The following ENPP2 variants were observed in gnomAD, a reference collection of about 807,000 sequenced individuals.
ENPP2 encodes autotaxin.
ENPP2 carries 51 observed loss-of-function variants against 120.2 expected under a neutral mutation model. The observed-to-expected ratio is 0.42, with a 90% CI of 0.34 to 0.54. The LOEUF (loss-of-function observed/expected upper bound fraction) is 0.54, where lower values mean the gene tolerates loss of function less well. Among genes scored for constraint, ENPP2 ranks in the 20% least tolerant of loss-of-function variants. The pLI, the probability that ENPP2 is intolerant of heterozygous loss-of-function variation, is 0.04. For synonymous variants in ENPP2, 365 were observed against 366.4 expected, an observed-to-expected ratio of 1.00 and a Z score of 0.04; for missense variants, 920 against 1,066.5, an observed-to-expected ratio of 0.86 and a Z score of 1.91.
Position 119,569,337 on chromosome 8 carries a change from T to C in ENPP2, c.1951A>G (p.Ser651Gly). The C allele has an allele frequency of 1.9e-6, 3 of 1,613,994 alleles. No individual in the cohort carries two copies. The highest frequency in any genetic ancestry group is 2.5e-6 in the Non-Finnish European group (3 of 1,179,990). The change falls in exon 21 of 25, where the codon AGT (serine) becomes GGT (glycine). Residue 651 changes from serine (S) to glycine (G), a missense_variant. Ser to Gly is a moderately conservative substitution (Grantham distance 56). Coordinates refer to ENST00000075322, the MANE Select transcript of ENPP2 (RefSeq NM_001040092.3). ...EVSSVPDHLT[S>G]CVRPDVRVSP... ...ACACGGACATCAGGCCGGACGCAAC[T>C]GGTCAGATGGTCAGGAACGCTGGAA...
chr8:119,670,360 T>C (rs1168381640), intron 1 of ENPP2, among the ~76,000 whole-genome samples: 1 of 152,236 alleles, frequency 6.6e-6, no homozygotes, highest in Non-Finnish European at 1.5e-5. Context: ...CCTTAGCATA[T>C]TATAGATGAT....
chr8:119,635,373 T>C (rs1218800343), intron 2 of ENPP2, among the ~76,000 whole-genome samples: 1 of 152,262 alleles, frequency 6.6e-6, no homozygotes, highest in Non-Finnish European at 1.5e-5. Flanking sequence ...AATTTCCTTT[T>C]GTCTTTTAAG....
At chr8:119,667,392 A>G (rs1471054654) in intron 1 of ENPP2, among the ~76,000 whole-genome samples, 1 of 152,172 alleles carries the variant, frequency 6.6e-6, no homozygotes, top group Non-Finnish European at 1.5e-5. Flanking sequence ...TTGAGCTGAA[A>G]TGTATCTCCT....
intron 13 of ENPP2, among the ~76,000 whole-genome samples, chr8:119,587,669 T>G (rs1227735398): frequency 3.9e-5 from 6 of 152,210 alleles, no homozygotes; most frequent in Non-Finnish European, 7.3e-5. Flanking sequence ...AGTAAAAGAT[T>G]TTAGTCAATA....
intron 1 of ENPP2, among the ~76,000 whole-genome samples, chr8:119,666,791 A>G (rs911764342): frequency 1.4e-5 from 2 of 145,908 alleles, no homozygotes; most frequent in Admixed American, 6.8e-5. Context: ...AAAAAAAAAA[A>G]GCTTAATGAA....
intron 19 of ENPP2, among the ~76,000 whole-genome samples, chr8:119,575,496 G>C (rs1027359495): frequency 5.3e-5 from 8 of 152,138 alleles, no homozygotes; most frequent in African/African-American, 1.7e-4. Flanking sequence ...CTCTACTTAG[G>C]CCACAAAATG....
chr8:119,662,284 T>C (rs1325822850), intron 1 of ENPP2, among the ~76,000 whole-genome samples: 3 of 152,220 alleles, frequency 2.0e-5, no homozygotes, highest in African/African-American at 7.2e-5. Context: ...AACATCATGT[T>C]GTATCTCGTA....
chr8:119,630,593 T>C (rs994992132), intron 2 of ENPP2, among the ~76,000 whole-genome samples: 4 of 152,194 alleles, frequency 2.6e-5, no homozygotes, highest in Non-Finnish European at 5.9e-5. Context: ...TTACAGTTCT[T>C]GCCAAACCTA....
intron 8 of ENPP2, among the ~76,000 whole-genome samples, chr8:119,614,923 T>A (rs1815356981): frequency 6.6e-6 from 1 of 152,148 alleles, no homozygotes; most frequent in South Asian, 2.1e-4. Context: ...AATCAGAGCA[T>A]CTATTATAAA....
intron 1 of ENPP2, among the ~76,000 whole-genome samples, chr8:119,652,412 C>T (rs1220565005): frequency 6.6e-6 from 1 of 152,142 alleles, no homozygotes; most frequent in Non-Finnish European, 1.5e-5. Flanking sequence ...GAATTGGCTC[C>T]CTCAATCTAT....
intron 7 of ENPP2, among the ~76,000 whole-genome samples, 168 bp downstream of exon 7, chr8:119,616,996 A>G (rs1815500578): frequency 2.6e-5 from 4 of 152,252 alleles, no homozygotes; most frequent in Admixed American, 2.6e-4. Flanking sequence ...CATCACCCAC[A>G]AAGTTGTAAA....
intron 9 of ENPP2, among the ~76,000 whole-genome samples, chr8:119,603,962 G>A (rs1022444880): frequency 6.6e-6 from 1 of 151,478 alleles, no homozygotes. Flanking sequence ...GACCTTAGGT[G>A]CAACATTTAA....
At chr8:119,612,030 A>G (rs896265738) in intron 8 of ENPP2, among the ~76,000 whole-genome samples, 4 of 152,136 alleles carry the variant, frequency 2.6e-5, no homozygotes, top group African/African-American at 9.7e-5. Context: ...CTCTGTCTCA[A>G]AAAAAATAAA....
At chr8:119,568,489 T>C (rs1174185558) in intron 21 of ENPP2, among the ~76,000 whole-genome samples, 1 of 152,212 alleles carries the variant, frequency 6.6e-6, no homozygotes, top group Non-Finnish European at 1.5e-5. Flanking sequence ...GTTTTTTTCT[T>C]ACTGTCTACT....
At chr8:119,600,567 C>A in intron 11 of ENPP2, 111 bp downstream of exon 11, 30 of 682,114 alleles carry the variant, frequency 4.4e-5, no homozygotes, top group East Asian at 5.6e-5. Context: ...TTTGCATAAA[C>A]CTTGTAGATA....
intron 16 of ENPP2, 58 bp downstream of exon 16, chr8:119,583,904 C>T: frequency 6.9e-7 from 1 of 1,440,014 alleles, no homozygotes; most frequent in Non-Finnish European, 9.8e-7. Flanking sequence ...ACCACCATTA[C>T]TTATCCTTTC....
intron 12 of ENPP2, among the ~76,000 whole-genome samples, chr8:119,591,492 T>C (rs948389624): frequency 4.6e-5 from 7 of 152,346 alleles, no homozygotes; most frequent in Middle Eastern, 3.4e-3. Flanking sequence ...AGAGATCTTA[T>C]TGAAATGTAT....
rs1158935415 is a variant in ENPP2, at chr8:119,567,472, G to C, written c.2131+703C>G. Among the ~76,000 whole-genome samples, 10 of 152,144 alleles carry C rather than the reference G, an allele frequency of 6.6e-5. No homozygotes were observed. The South Asian group carries it at 1.9e-3, about 28-fold the overall frequency. ...CACACAGCCTGTGGTCACACTCCAG[G>C]AACTTGGCTTTTTGTGCCCGAGCTC... On this transcript the variant is annotated intron_variant, in intron 22 of 24. Coordinates refer to ENST00000075322, the MANE Select transcript of ENPP2 (RefSeq NM_001040092.3).
intron 8 of ENPP2, among the ~76,000 whole-genome samples, chr8:119,612,476 A>G (rs1001321105): frequency 2.6e-5 from 4 of 152,150 alleles, no homozygotes; most frequent in African/African-American, 9.7e-5. Context: ...TCTGTCTTAA[A>G]CACACATTTC....
Sources: allele counts gnomAD v4.1 joint callset (sites outside exome capture counted in the v4.1 genomes callset), GRCh38; gene constraint gnomAD v4.1.1; transcripts MANE v1.5; gene names NCBI Gene and HGNC (gene_info 2026-07-23, HGNC 2026-07-21).